The following FMC1 variants were observed in gnomAD, a reference collection of about 807,000 sequenced individuals.
FMC1 encodes the protein formation of mitochondrial complex V assembly factor 1.
Under a neutral mutation model 10.5 loss-of-function variants are expected in FMC1, and 6 were observed. The ratio of observed to expected loss-of-function variants is 0.57; its 90% CI spans 0.31 to 1.12. FMC1 has a LOEUF of 1.12. FMC1 is among the 50% of genes most tolerant of loss of function. The pLI is 0.05. For synonymous variants in FMC1, 59 were observed against 62.1 expected (o/e 0.95, Z 0.24); for missense variants, 146 against 151.7 (o/e 0.96, Z 0.20).
In FMC1 at chr7:139,345,939, A is replaced by G; in HGVS notation, c.*235A>G. ...AAAAATTTTTTTATATTTTATTTTA[A>G]AAGTAGTACAAGCCTTAGCCAGGCA... On this transcript the variant is annotated 3_prime_UTR_variant, in exon 2 of 2. Coordinates refer to ENST00000297534, the MANE Select transcript of FMC1 (RefSeq NM_197964.5). 2.9e-6 allele frequency: 1 copy of G among 349,276 alleles called. No individual in the cohort carries two copies. Among genetic ancestry groups the G allele is most frequent in the Admixed American group, 4.7e-5 (1 of 21,106 alleles). The allele number at this position is 349,276 out of a possible 1,614,324, so 21.6% of individuals were successfully genotyped here. A position where few individuals can be genotyped will look rare whatever the true frequency, so the allele number is the denominator to read the frequency against.
At chr7:139,341,599 CG>C in intron 1 of FMC1, 77 bp downstream of exon 1, 1 of 1,552,932 alleles carries the variant, frequency 6.4e-7, no homozygotes, top group Middle Eastern at 1.7e-4. Context: ...GTGGGGAGCA[CG>C]GTGTTTAATT....
chr7:139,343,830 G>A (rs923429179), intron 1 of FMC1, among the ~76,000 whole-genome samples: 4 of 151,648 alleles, frequency 2.6e-5, no homozygotes, highest in African/African-American at 4.8e-5. Context: ...AGCTACTTGC[G>A]GGGCTGAGGC....
chr7:139,341,497 T>C lies in FMC1; in HGVS notation c.113T>C (p.Leu38Pro). The change falls in exon 1 of 2, where the codon CTT becomes CCT. Residue 38 changes from leucine (L) to proline (P), a missense_variant. By Grantham distance (98) the Leu-to-Pro change is moderately conservative (BLOSUM62 -3). Transcript: ENST00000297534. ...CGCGACACCGCGGCCTATCGGTACCTTGTGAAGGCTTTCCGTGCACATCGG... is the reference window on the plus strand; with the variant it reads ...CGCGACACCGCGGCCTATCGGTACCCTGTGAAGGCTTTCCGTGCACATCGG... ...PYRDTAAYRY[L>P]VKAFRAHRVT... is the part of the protein sequence containing the mutation. 1 of 1,613,634 alleles carries C rather than the reference T, an allele frequency of 6.2e-7. No individual in the cohort carries two copies. The highest frequency in any genetic ancestry group is 1.1e-5 in the South Asian group (1 of 91,072).
At chr7:139,341,293 G>C (rs996315099), upstream of FMC1, 4 of 1,518,622 alleles carry the variant, frequency 2.6e-6, no homozygotes, top group African/African-American at 5.5e-5. Flanking sequence ...TCGGTAGTCT[G>C]TCCGACCGTA....
intron 1 of FMC1, among the ~76,000 whole-genome samples, chr7:139,344,275 G>C (rs1007321930): frequency 2.0e-5 from 3 of 152,056 alleles, no homozygotes; most frequent in Admixed American, 2.0e-4. Context: ...GTGGGGACTG[G>C]TTCCAGGACA....
Position 139,345,599 on chromosome 7 carries a change from A to G in FMC1, c.237A>G (p.Leu79=). ...LLRSIRKHVA[L]HQEFHGKGER... is the part of the protein sequence containing the mutation. Reference sequence around the variant, plus strand: ...GTAGCATCCGGAAACATGTGGCCCTACATCAGGAATTTCATGGCAAGGGTG... The same window carrying G: ...GTAGCATCCGGAAACATGTGGCCCTGCATCAGGAATTTCATGGCAAGGGTG... Residue 79 remains leucine (L), a synonymous_variant, in exon 2 of 2, where the codon CTA becomes CTG. Transcript: ENST00000297534. 1 of 1,614,070 alleles carries G rather than the reference A, an allele frequency of 6.2e-7. No individual in the cohort carries two copies. Among genetic ancestry groups the G allele is most frequent in the Middle Eastern group, 1.6e-4 (1 of 6,062 alleles).
At chr7:139,342,513 G>C (rs1322449100) in intron 1 of FMC1, among the ~76,000 whole-genome samples, 1 of 152,130 alleles carries the variant, frequency 6.6e-6, no homozygotes, top group Non-Finnish European at 1.5e-5. Flanking sequence ...AAACTTTATT[G>C]TAAGTGTAAT....
rs572435518 is a variant in FMC1 at position 139,345,744 on chromosome 7, T to C, written c.*40T>C. 71 of 1,570,064 alleles carry C rather than the reference T, an allele frequency of 4.5e-5. No homozygotes were observed. The highest frequency in any genetic ancestry group is 5.4e-5 in the Non-Finnish European group (63 of 1,158,208). On this transcript the variant is annotated 3_prime_UTR_variant, in exon 2 of 2. Coordinates refer to ENST00000297534, the MANE Select transcript of FMC1 (RefSeq NM_197964.5). ...CTTGGATGCTGCATTCATAGGAGAA[T>C]TGAATAATTTCTATCAATATGTATT...
upstream of FMC1, chr7:139,340,574 T>C: frequency 2.5e-6 from 1 of 397,884 alleles, no homozygotes; most frequent in East Asian, 3.6e-5. Context: ...ACTCCCAGCA[T>C]ACGTCACCCC....
At chr7:139,340,690 G>A (rs1020140382), upstream of FMC1, 16 of 392,968 alleles carry the variant, frequency 4.1e-5, no homozygotes, top group East Asian at 2.9e-4. Context: ...TGAGCGCGTC[G>A]TTTGCAGAAG....
rs546646905 is a variant in FMC1 at position 139,341,470 on chromosome 7, A to G, written c.86A>G (p.Tyr29Cys). The G allele has an allele frequency of 3.7e-6, 6 of 1,613,798 alleles. No individual in the cohort carries two copies. In the East Asian group the frequency reaches 6.7e-5, roughly 18 times the overall value. Residue 29 changes from tyrosine to cysteine, a missense_variant, in exon 1 of 2, where the codon TAT becomes TGT. Transcript: ENST00000297534. Reference sequence around the variant, plus strand: ...CTGAGCGCGGCCACCGGCCGACCCTATCGCGACACCGCGGCCTATCGGTAC... The same window carrying G: ...CTGAGCGCGGCCACCGGCCGACCCTGTCGCGACACCGCGGCCTATCGGTAC... Reference protein sequence around the residue: ...RYLSAATGRPYRDTAAYRYLV... With the variant: ...RYLSAATGRPCRDTAAYRYLV...
Position 139,342,829 on chromosome 7 carries a change from T to A in FMC1, c.138+1307T>A, listed in dbSNP as rs143868518. On this transcript the variant is annotated intron_variant, in intron 1 of 1. Transcript: ENST00000297534. ...CCTTATGGGGATAACATTATTACCCTTGAGAGAGACTTGGTAATGGTTCTG... is the reference window on the plus strand; with the variant it reads ...CCTTATGGGGATAACATTATTACCCATGAGAGAGACTTGGTAATGGTTCTG... 6.8e-4 allele frequency among the ~76,000 whole-genome samples: 104 copies of A among 152,312 alleles called. 1 individual carries two copies. In the East Asian group the frequency reaches 0.017, roughly 24 times the overall value.
rs1241555502 is a variant in FMC1 at position 139,345,609 on chromosome 7, T to C, written c.247T>C (p.Phe83Leu). The change falls in exon 2 of 2, where the codon TTT (phenylalanine) becomes CTT (leucine). Residue 83 changes from phenylalanine to leucine, a missense_variant. Physicochemically the swap from Phe to Leu is conservative, Grantham distance 22. Transcript: ENST00000297534. ...IRKHVALHQE[F>L]HGKGERSVEE... ...GAAACATGTGGCCCTACATCAGGAA[T>C]TTCATGGCAAGGGTGAGCGCTCGGT... is the stretch of plus-strand genomic sequence containing the variant. 1.9e-6 allele frequency: 3 copies of C among 1,614,128 alleles called. No individual in the cohort carries two copies. The highest frequency in any genetic ancestry group is 2.5e-6 in the Non-Finnish European group (3 of 1,180,024).
chr7:139,341,109 G>A (rs920721506), upstream of FMC1: 2 of 356,500 alleles, frequency 5.6e-6, no homozygotes, highest in Non-Finnish European at 9.6e-6. Context: ...CAATGACGCA[G>A]TGAAGAAAAG....
intron 1 of FMC1, 107 bp downstream of exon 1, chr7:139,341,629 A>C: frequency 3.4e-6 from 5 of 1,461,186 alleles, no homozygotes; most frequent in East Asian, 2.5e-5. Flanking sequence ...TCTGAGGCCA[A>C]CCCTCCCACG....
Position 139,343,831 on chromosome 7 carries a change from G to A in FMC1, c.139-1670G>A, listed in dbSNP as rs145258249. 3.0e-3 allele frequency among the ~76,000 whole-genome samples: 461 copies of A among 151,308 alleles called. 2 individuals are homozygous for A. The highest frequency in any genetic ancestry group is 0.01 in the African/African-American group (429 of 41,166). On this transcript the variant is annotated intron_variant, in intron 1 of 1. Coordinates refer to ENST00000297534, the MANE Select transcript of FMC1 (RefSeq NM_197964.5). The stretch of plus-strand genomic sequence containing the variant: ...GCGTCTGTAGTCCCAGCTACTTGCG[G>A]GGCTGAGGCAGGAGGATCACTTGAG...
At chr7:139,340,849 GGGAAGTGT>G (rs1798911499), upstream of FMC1, among the ~76,000 whole-genome samples, 3 of 150,132 alleles carry the variant, frequency 2.0e-5, no homozygotes, top group Admixed American at 1.3e-4. Flanking sequence ...TTTTTTAAAT[GGGAAGTGT>G]GTGTGTGTTT....
upstream of FMC1, chr7:139,340,508 A>G (rs1798880839): frequency 2.5e-6 from 1 of 398,544 alleles, no homozygotes; most frequent in Non-Finnish European, 4.4e-6. Flanking sequence ...GCATCGGTGC[A>G]GTTTCGAGGG....
chr7:139,340,831 CTT>C (rs112287672), upstream of FMC1, among the ~76,000 whole-genome samples: 13 of 145,222 alleles, frequency 9.0e-5, no homozygotes, highest in Non-Finnish European at 1.2e-4. Flanking sequence ...GCCAACTTTA[CTT>C]TTTTTTTTTT....
Sources: allele counts gnomAD v4.1 joint callset (sites outside exome capture counted in the v4.1 genomes callset), GRCh38; gene constraint gnomAD v4.1.1; transcripts MANE v1.5; gene names NCBI Gene and HGNC (gene_info 2026-07-23, HGNC 2026-07-21).